The following SH3YL1 variants were observed in gnomAD, a reference collection of about 807,000 sequenced individuals.
SH3YL1 encodes the protein SH3 domain-containing YSC84-like protein 1.
A neutral mutation model predicts 45.8 loss-of-function variants in SH3YL1; 41 were observed. The observed-to-expected ratio is 0.89, with a 90% confidence interval of 0.70 to 1.16. The LOEUF (loss-of-function observed/expected upper bound fraction) is 1.16, where lower values mean the gene tolerates loss of function less well. SH3YL1 is among the 50% of genes most tolerant of loss of function. The pLI, the probability that SH3YL1 is intolerant of heterozygous loss-of-function variation, is 0.00. For missense variants in SH3YL1, 389 were observed against 409.6 expected (o/e 0.95, Z 0.43); for synonymous variants, 152 against 151.4 (o/e 1.00, Z -0.03).
chr2:264,519 C>G (rs1204816561), upstream of SH3YL1: 21 of 184,324 alleles, frequency 1.1e-4, 1 homozygote, highest in Admixed American at 1.3e-3. Context: ...CCTGCGGCCC[C>G]GTCCCCTATA....
intron 1 of SH3YL1, among the ~76,000 whole-genome samples, chr2:261,670 G>A (rs922976637): frequency 5.9e-5 from 9 of 152,168 alleles, no homozygotes; most frequent in African/African-American, 2.2e-4. Context: ...GACAAACAGG[G>A]ACATGAGAAT....
At chr2:246,034 A>G (rs1282871136) in intron 4 of SH3YL1, among the ~76,000 whole-genome samples, 1 of 152,008 alleles carries the variant, frequency 6.6e-6, no homozygotes, top group Non-Finnish European at 1.5e-5. Context: ...CATCTCTACT[A>G]AAAATACAAA....
intron 4 of SH3YL1, chr2:240,182 C>G (rs1161341475): frequency 2.6e-5 from 4 of 152,476 alleles, no homozygotes; most frequent in Non-Finnish European, 4.4e-5. Context: ...AGCACCAGGA[C>G]CCCACTCACT....
intron 1 of SH3YL1, 155 bp downstream of exon 1, chr2:263,827 AGC>A: frequency 1.7e-6 from 1 of 591,702 alleles, no homozygotes; most frequent in South Asian, 2.0e-5. Context: ...AAGTCCTGGA[AGC>A]TGCTCTATCT....
intron 9 of SH3YL1, among the ~76,000 whole-genome samples, chr2:223,286 G>A (rs926629753): frequency 6.6e-6 from 1 of 152,108 alleles, no homozygotes; most frequent in Non-Finnish European, 1.5e-5. Flanking sequence ...CTGTTTATAG[G>A]AAGTTTCTAA....
intron 9 of SH3YL1, 137 bp from the exon 10 acceptor site, chr2:219,138 T>C: frequency 1.7e-6 from 1 of 577,406 alleles, no homozygotes; most frequent in Non-Finnish European, 2.9e-6. Flanking sequence ...CAACAGTCTG[T>C]GTAATTTTCA....
At chr2:252,623 ATATCATTATTT>A (rs1669118581) in intron 2 of SH3YL1, among the ~76,000 whole-genome samples, 2 of 152,202 alleles carry the variant, frequency 1.3e-5, no homozygotes, top group South Asian at 4.1e-4. Context: ...ACAATAATTA[ATATCATTATTT>A]TATCATTATT....
intron 8 of SH3YL1, among the ~76,000 whole-genome samples, chr2:229,244 C>T (rs1056236430): frequency 1.3e-5 from 2 of 152,096 alleles, no homozygotes; most frequent in African/African-American, 4.8e-5. Context: ...TTAAAAACCA[C>T]CTTATGAGAT....
Position 218,667 on chromosome 2 carries a change from A to G in SH3YL1, c.*144T>C, listed in dbSNP as rs1667451600. 5 of 689,982 alleles carry G rather than the reference A, an allele frequency of 7.2e-6. No individual in the cohort carries two copies. Among genetic ancestry groups the G allele is most frequent in the Non-Finnish European group, 1.2e-5 (5 of 429,938 alleles). 42.7% of individuals were successfully genotyped at this position (689,982 alleles called of 1,614,324 possible). A position where few individuals can be genotyped will look rare whatever the true frequency, so the allele number is the denominator to read the frequency against. On this transcript the variant is annotated 3_prime_UTR_variant, in exon 10 of 10. Transcript: ENST00000356150. ...TGTCAGTCAGCTCTTTTTATATAGA[A>G]AAACAAAATCTTTTACATACGGAAT...
intron 1 of SH3YL1, chr2:261,127 TTC>T (rs1669572149): frequency 6.6e-6 from 1 of 152,242 alleles, no homozygotes; most frequent in Non-Finnish European, 1.5e-5. Flanking sequence ...TGCAGTGAAT[TTC>T]TCTGTCAGAA....
rs905545180 is a variant in SH3YL1, at chr2:253,124, T to C, written c.2-9A>G. 2 of 1,380,602 alleles carry C rather than the reference T, an allele frequency of 1.4e-6. No homozygotes were observed. The highest frequency in any genetic ancestry group is 1.5e-5 in the African/African-American group (1 of 68,442). The allele number at this position is 1,380,602 out of a possible 1,614,324, so 85.5% of individuals were successfully genotyped here. On this transcript the variant is annotated splice_polypyrimidine_tract_variant and intron_variant, in intron 1 of 9. Transcript: ENST00000356150. ...AGGTATAGGGTTATTCACTGAAACA[T>C]AACAAAAGATATTTTAATGAAAAAT...
In SH3YL1 at chr2:229,166, T is replaced by C. The variant is rs1667920534; in HGVS notation, c.781+800A>G. ...ATACGAAAAACAGAAACACAAGTGA[T>C]TCACAAAAATGAATGATAGAGAGAA... On this transcript the variant is annotated intron_variant, in intron 8 of 9. Coordinates refer to ENST00000356150, the MANE Select transcript of SH3YL1 (RefSeq NM_015677.4). Among the ~76,000 whole-genome samples, 3 of 152,246 alleles carry C rather than the reference T, an allele frequency of 2.0e-5. No individual in the cohort carries two copies. In the South Asian group the frequency reaches 6.2e-4, roughly 32 times the overall value.
intron 4 of SH3YL1, chr2:240,765 CAGGGA>C (rs1668509039): frequency 6.6e-6 from 1 of 152,240 alleles, no homozygotes; most frequent in Non-Finnish European, 1.5e-5. Context: ...AGGTCACGGA[CAGGGA>C]CAGTCAGAAC....
chr2:228,702 T>C lies in SH3YL1; in HGVS notation c.781+1264A>G, dbSNP rs1387561934. On this transcript the variant is annotated intron_variant, in intron 8 of 9. Coordinates refer to ENST00000356150, the MANE Select transcript of SH3YL1 (RefSeq NM_015677.4). ...TGAATCAGCAGTGGACCACGGCTTATCCCAGAAGAACAGGAGACAGACGCA... is the reference window on the plus strand; with the variant it reads ...TGAATCAGCAGTGGACCACGGCTTACCCCAGAAGAACAGGAGACAGACGCA... Among the ~76,000 whole-genome samples, 4 of 152,172 alleles carry C rather than the reference T, an allele frequency of 2.6e-5. No individual in the cohort carries two copies. The East Asian group carries it at 7.7e-4, about 29-fold the overall frequency.
chr2:246,788 G>T (rs1023021713), intron 4 of SH3YL1, among the ~76,000 whole-genome samples: 1 of 151,982 alleles, frequency 6.6e-6, no homozygotes, highest in Non-Finnish European at 1.5e-5. Flanking sequence ...ACAGCAGTGA[G>T]TAAGAAAGAT....
Position 223,788 on chromosome 2 carries a change from AG to A in SH3YL1, c.838+1075del, listed in dbSNP as rs548584536. 2.2e-3 allele frequency among the ~76,000 whole-genome samples: 336 copies of A among 152,286 alleles called. 2 individuals carry two copies. Among genetic ancestry groups the A allele is most frequent in the African/African-American group, 7.8e-3 (325 of 41,560 alleles). The stretch of plus-strand genomic sequence containing the variant: ...CATGGCACAGCATCTTCTGTAGGTG[AG>A]CCCCCGACCATCGCACCTGCTCTCC... On this transcript the variant is annotated intron_variant, in intron 9 of 9. Transcript: ENST00000356150.
intron 9 of SH3YL1, 55 bp from the exon 10 acceptor site, chr2:219,056 T>C: frequency 6.9e-7 from 1 of 1,449,656 alleles, no homozygotes; most frequent in Non-Finnish European, 9.4e-7. Flanking sequence ...AAATTGGGGG[T>C]ATCTGCTGGT....
In SH3YL1 at chr2:233,105, T is replaced by C. The variant is rs775153209; in HGVS notation, c.529A>G (p.Arg177Gly). ...SCLIERKETN[R>G]KFYCQDIRAY... is the part of the protein sequence containing the mutation. ...ATCACTTTAACTTGAACTGACTTTC[T>C]ATTAGTTTCTTTCCTTTCAATCAAA... The change falls in exon 6 of 10, where the codon AGA (arginine) becomes GGA (glycine). Residue 177 changes from arginine to glycine, a missense_variant. Coordinates refer to ENST00000356150, the MANE Select transcript of SH3YL1 (RefSeq NM_015677.4). 6.4e-7 allele frequency: 1 copy of C among 1,566,518 alleles called. No homozygotes were observed. Among genetic ancestry groups the C allele is most frequent in the South Asian group, 1.2e-5 (1 of 83,722 alleles).
At chr2:264,246 A>C (rs1669743570), upstream of SH3YL1, 3 of 455,352 alleles carry the variant, frequency 6.6e-6, no homozygotes, top group Non-Finnish European at 3.8e-6. Context: ...GGCGGCTCCA[A>C]GCACGGTGTT....
Sources: gnomAD v4.1 joint callset for allele counts (sites outside exome capture counted in the v4.1 genomes callset) on GRCh38, gnomAD v4.1.1 for gene constraint, MANE v1.5 for transcripts, NCBI Gene and HGNC (gene_info 2026-07-23, HGNC 2026-07-21) for gene names.